Variants in WDFY3 observed in about 807,000 individuals in gnomAD.
WDFY3 encodes WD repeat and FYVE domain-containing protein 3.
In WDFY3, 66 loss-of-function variants were observed where a neutral mutation model predicts 409.6. That is an observed-to-expected ratio of 0.16 (90% CI 0.13 to 0.20). WDFY3 has a LOEUF of 0.20. Among genes scored for constraint, WDFY3 ranks in the 10% least tolerant of loss-of-function variants. The pLI is 1.00. For synonymous variants in WDFY3, 1,521 were observed against 1,537.1 expected (o/e 0.99, Z 0.25); for missense variants, 3,031 against 4,298.1 (o/e 0.71, Z 8.24).
chr4:84,826,775 A>C, intron 10 of WDFY3, 40 bp downstream of exon 10: 1 of 1,528,190 alleles, frequency 6.5e-7, no homozygotes, highest in Non-Finnish European at 8.7e-7. Flanking sequence ...TTCTTTCTCT[A>C]TTTCTCTCAG....
intron 1 of WDFY3, among the ~76,000 whole-genome samples, chr4:84,946,623 A>C (rs1772862921): frequency 6.6e-6 from 1 of 152,104 alleles, no homozygotes; most frequent in Non-Finnish European, 1.5e-5. Flanking sequence ...GCAGTGGTTA[A>C]GCTACCAAAG....
At chr4:84,773,055 C>G in intron 29 of WDFY3, 126 bp from the exon 30 acceptor site, 1 of 679,746 alleles carries the variant, frequency 1.5e-6, no homozygotes, top group Non-Finnish European at 2.3e-6. Flanking sequence ...TTTTCATAAT[C>G]TCATTTCATT....
chr4:84,746,023 C>A (rs1315456567), intron 36 of WDFY3, among the ~76,000 whole-genome samples: 1 of 151,644 alleles, frequency 6.6e-6, no homozygotes, highest in South Asian at 2.1e-4. Context: ...AAATGGTACT[C>A]CTGGTTGGGC....
At chr4:84,823,056 A>G (rs1325984677) in intron 10 of WDFY3, among the ~76,000 whole-genome samples, 1 of 152,204 alleles carries the variant, frequency 6.6e-6, no homozygotes, top group Non-Finnish European at 1.5e-5. Flanking sequence ...CTGAGAAGAA[A>G]GAACAAAACT....
intron 1 of WDFY3, among the ~76,000 whole-genome samples, chr4:84,956,791 C>T (rs1774288984): frequency 6.6e-6 from 1 of 152,004 alleles, no homozygotes; most frequent in Non-Finnish European, 1.5e-5. Flanking sequence ...GCTATTGGAT[C>T]AGCATAATGA....
chr4:84,728,019 C>A (rs1735947696), intron 44 of WDFY3, among the ~76,000 whole-genome samples: 1 of 150,406 alleles, frequency 6.6e-6, no homozygotes, highest in African/African-American at 2.4e-5. Flanking sequence ...ATGGCAAAAA[C>A]AGATCAGGAA....
chr4:84,866,285 G>A (rs1231707179), intron 3 of WDFY3, among the ~76,000 whole-genome samples: 1 of 152,184 alleles, frequency 6.6e-6, no homozygotes, highest in African/African-American at 2.4e-5. Flanking sequence ...GCCAATATGT[G>A]TTGACTTCGT....
At chr4:84,677,712 C>T (rs953541528) in intron 66 of WDFY3, among the ~76,000 whole-genome samples, 7 of 152,130 alleles carry the variant, frequency 4.6e-5, no homozygotes, top group Middle Eastern at 3.4e-3. Flanking sequence ...CCTGTAATCC[C>T]AGTACTTTGG....
chr4:84,941,564 C>T (rs925799162), intron 1 of WDFY3, among the ~76,000 whole-genome samples: 4 of 152,028 alleles, frequency 2.6e-5, no homozygotes, highest in Non-Finnish European at 4.4e-5. Flanking sequence ...ACTCTATGTT[C>T]ATGGATTTGG....
Position 84,780,101 on chromosome 4 carries a change from T to C in WDFY3, c.4365+7A>G. 1 of 1,578,642 alleles carries C rather than the reference T, an allele frequency of 6.3e-7. No individual in the cohort carries two copies. The highest frequency in any genetic ancestry group is 8.6e-7 in the Non-Finnish European group (1 of 1,162,828). ...TGAAGTGAAGGCAAAGTTTTACAGT[T>C]ACAAACCTGGTAGCCCTTGATTCTT... is the stretch of plus-strand genomic sequence containing the variant. On this transcript the variant is annotated splice_region_variant and intron_variant, in intron 26 of 67. Transcript: ENST00000295888.
intron 4 of WDFY3, among the ~76,000 whole-genome samples, chr4:84,857,714 C>T (rs967310940): frequency 1.3e-5 from 2 of 152,158 alleles, no homozygotes; most frequent in Admixed American, 6.5e-5. Flanking sequence ...CCTCTTCTCA[C>T]GTTCCTACTC....
Position 84,886,510 on chromosome 4 carries a change from A to G in WDFY3, c.-32+10401T>C, listed in dbSNP as rs770477095. Reference sequence around the variant, plus strand: ...AAATCAGATACATGTATTTTTTTCTAAAGTGATTCTTAGCTATTTATCATC... The same window carrying G: ...AAATCAGATACATGTATTTTTTTCTGAAGTGATTCTTAGCTATTTATCATC... On this transcript the variant is annotated intron_variant, in intron 3 of 67. Coordinates refer to ENST00000295888, the MANE Select transcript of WDFY3 (RefSeq NM_014991.6). 5.3e-5 allele frequency: 8 copies of G among 152,024 alleles called. No homozygotes were observed. In the East Asian group the frequency reaches 5.8e-4, roughly 11 times the overall value. 9.4% of individuals were successfully genotyped at this position (152,024 alleles called of 1,614,324 possible). A position where few individuals can be genotyped will look rare whatever the true frequency, so the allele number is the denominator to read the frequency against.
At chr4:84,834,078 G>A (rs769152641) in intron 7 of WDFY3, among the ~76,000 whole-genome samples, 1 of 152,076 alleles carries the variant, frequency 6.6e-6, no homozygotes, top group Admixed American at 6.5e-5. Flanking sequence ...TTCTCAGAGG[G>A]GTGTATTAGT....
chr4:84,861,347 A>C (rs567402209), intron 3 of WDFY3, among the ~76,000 whole-genome samples: 2 of 152,286 alleles, frequency 1.3e-5, no homozygotes, highest in Admixed American at 1.3e-4. Flanking sequence ...AAAACCCCAA[A>C]ACCTCACAAA....
intron 55 of WDFY3, 37 bp from the exon 56 acceptor site, chr4:84,702,543 C>T (rs764603894): frequency 1.5e-5 from 23 of 1,503,052 alleles, no homozygotes; most frequent in Non-Finnish European, 1.8e-5. Context: ...ATTAGAGAAC[C>T]GTTCCCACCT....
At chr4:84,928,817 G>C (rs965761630) in intron 2 of WDFY3, among the ~76,000 whole-genome samples, 7 of 152,248 alleles carry the variant, frequency 4.6e-5, no homozygotes, top group African/African-American at 1.7e-4. Flanking sequence ...GAAATATCAT[G>C]TTAATAACGT....
chr4:84,682,494 T>G, intron 63 of WDFY3, 24 bp from the exon 64 acceptor site: 1 of 1,593,352 alleles, frequency 6.3e-7, no homozygotes, highest in Non-Finnish European at 8.6e-7. Context: ...AGTACAAAAA[T>G]TAAAAAGTTA....
chr4:84,865,188 C>T lies in WDFY3; in HGVS notation c.-31-4566G>A, dbSNP rs570749599. 7.2e-5 allele frequency among the ~76,000 whole-genome samples: 11 copies of T among 152,264 alleles called. No individual in the cohort carries two copies. The South Asian group carries it at 2.1e-3, about 29-fold the overall frequency. ...ACAGGTATGAGCCACCGCACCTGGCCTCAACTTTCATTTTAATTTTAAAAA... is the reference window on the plus strand; with the variant it reads ...ACAGGTATGAGCCACCGCACCTGGCTTCAACTTTCATTTTAATTTTAAAAA... On this transcript the variant is annotated intron_variant, in intron 3 of 67. Transcript: ENST00000295888.
At chr4:84,693,207 A>G (rs1161790439) in intron 58 of WDFY3, among the ~76,000 whole-genome samples, 175 bp from the exon 59 acceptor site, 1 of 152,234 alleles carries the variant, frequency 6.6e-6, no homozygotes, top group Non-Finnish European at 1.5e-5. Flanking sequence ...AGGTGGCCAG[A>G]GAACTCACAC....
Sources: gnomAD v4.1 joint callset for allele counts (sites outside exome capture counted in the v4.1 genomes callset) on GRCh38, gnomAD v4.1.1 for gene constraint, MANE v1.5 for transcripts, NCBI Gene and HGNC (gene_info 2026-07-23, HGNC 2026-07-21) for gene names.